The following SIM1 variants were observed in gnomAD, a reference collection of about 807,000 sequenced individuals.
SIM1 encodes single-minded homolog 1.
In SIM1, 18 loss-of-function variants were observed where a neutral mutation model predicts 78.2. The observed-to-expected ratio is 0.23, with a 90% CI of 0.16 to 0.34. SIM1 has a LOEUF of 0.34. SIM1 is among the 10% of genes least tolerant of loss of function. The pLI is 1.00. For missense variants in SIM1, 939 were observed against 975.1 expected (o/e 0.96, Z 0.49); for synonymous variants, 417 against 385.2 (o/e 1.08, Z -0.97).
intron 9 of SIM1, among the ~76,000 whole-genome samples, chr6:100,423,897 G>A (rs1033755098): frequency 3.3e-5 from 5 of 152,276 alleles, no homozygotes; most frequent in East Asian, 1.9e-4. Flanking sequence ...TTTAGTTCCT[G>A]CTTGACAGGA....
intron 2 of SIM1, chr6:100,463,004 T>G: frequency 3.1e-6 from 1 of 325,512 alleles, no homozygotes; most frequent in South Asian, 1.1e-4. Context: ...TACTTTCAAT[T>G]GAGCCTAGTA....
chr6:100,430,338 A>G (rs906186254), intron 9 of SIM1, among the ~76,000 whole-genome samples: 1 of 152,282 alleles, frequency 6.6e-6, no homozygotes, highest in East Asian at 1.9e-4. Context: ...TGGAGGCTGG[A>G]GGAGGGTGTT....
intron 10 of SIM1, among the ~76,000 whole-genome samples, chr6:100,408,870 T>C (rs36028076): frequency 0.12 from 18,781 of 152,124 alleles, 1,148 homozygotes; most frequent in Middle Eastern, 0.18. Context: ...CATGTCATTT[T>C]CTTTTCTTGT....
intron 7 of SIM1, 74 bp downstream of exon 7, chr6:100,448,405 G>A: frequency 6.7e-7 from 1 of 1,502,786 alleles, no homozygotes; most frequent in South Asian, 1.2e-5. Flanking sequence ...TCATAGGATA[G>A]ACGGAAATCT....
chr6:100,441,968 G>C (rs1562252115), intron 9 of SIM1, among the ~76,000 whole-genome samples: 1 of 152,008 alleles, frequency 6.6e-6, no homozygotes, highest in Non-Finnish European at 1.5e-5. Flanking sequence ...TATACACAGA[G>C]AACAGCAGGA....
chr6:100,395,298 T>C (rs1441992931), intron 10 of SIM1, among the ~76,000 whole-genome samples: 4 of 152,220 alleles, frequency 2.6e-5, no homozygotes, highest in Non-Finnish European at 4.4e-5. Flanking sequence ...TCATTCCATA[T>C]ACATTTTGTC....
At chr6:100,455,582 C>T (rs974243255) in intron 2 of SIM1, among the ~76,000 whole-genome samples, 1 of 152,212 alleles carries the variant, frequency 6.6e-6, no homozygotes, top group African/African-American at 2.4e-5. Context: ...GGAGGCCACA[C>T]GGGGGAAAGG....
At chr6:100,462,480 T>C (rs1004796115) in intron 2 of SIM1, 1 of 152,246 alleles carries the variant, frequency 6.6e-6, no homozygotes, top group Non-Finnish European at 1.5e-5. Flanking sequence ...CCTCACACAG[T>C]GAATCTTGAT....
intron 1 of SIM1, among the ~76,000 whole-genome samples, chr6:100,464,359 C>G (rs1431670850): frequency 6.6e-6 from 1 of 152,200 alleles, no homozygotes; most frequent in Admixed American, 6.5e-5. Flanking sequence ...TAACTTGGGT[C>G]TCAAGTCTGA....
intron 9 of SIM1, among the ~76,000 whole-genome samples, chr6:100,445,542 A>C (rs565587695): frequency 5.3e-5 from 8 of 152,376 alleles, no homozygotes; most frequent in Admixed American, 3.9e-4. Flanking sequence ...GAATCAACAG[A>C]AGAAGAAATG....
intron 9 of SIM1, among the ~76,000 whole-genome samples, chr6:100,439,700 G>C (rs533005980): frequency 2.0e-5 from 3 of 152,090 alleles, no homozygotes; most frequent in Non-Finnish European, 4.4e-5. Flanking sequence ...TATAACTATT[G>C]GTAAAGTTGA....
chr6:100,417,719 C>T (rs571355189), intron 10 of SIM1, among the ~76,000 whole-genome samples: 1 of 152,272 alleles, frequency 6.6e-6, no homozygotes, highest in East Asian at 1.9e-4. Context: ...TATGACAATT[C>T]ACTGTAAATG....
chr6:100,391,227 T>A, intron 11 of SIM1, 136 bp from the exon 12 acceptor site: 1 of 928,926 alleles, frequency 1.1e-6, no homozygotes, highest in Non-Finnish European at 1.5e-6. Flanking sequence ...CAGGCTCACA[T>A]GATGTGAGCA....
intron 9 of SIM1, among the ~76,000 whole-genome samples, chr6:100,426,063 G>A (rs902695768): frequency 2.6e-5 from 4 of 152,190 alleles, no homozygotes; most frequent in Non-Finnish European, 5.9e-5. Context: ...ATATGGAAAG[G>A]AACTGTGGCA....
chr6:100,462,146 T>C (rs1038701074), intron 2 of SIM1, among the ~76,000 whole-genome samples: 1 of 152,106 alleles, frequency 6.6e-6, no homozygotes, highest in Non-Finnish European at 1.5e-5. Flanking sequence ...TTCCTGCTCA[T>C]CCATTCATTT....
At position 100,400,235 on chromosome 6, in the gene SIM1, T is replaced by TA. The variant is rs977548321; in HGVS notation, c.1168-6347dup. ...AAAATAATAAAGACTACAGAAGACT[T>TA]AAAAAAAAAGAAAACCAATCAGTTA... On this transcript the variant is annotated intron_variant, in intron 10 of 11. Coordinates refer to ENST00000369208, the MANE Select transcript of SIM1 (RefSeq NM_005068.3). 7.8e-3 allele frequency among the ~76,000 whole-genome samples: 1,169 copies of TA among 150,058 alleles called. 12 individuals carry two copies. The highest frequency in any genetic ancestry group is 0.026 in the African/African-American group (1,085 of 40,984).
intron 10 of SIM1, among the ~76,000 whole-genome samples, chr6:100,418,387 T>A (rs911614348): frequency 7.4e-5 from 11 of 148,492 alleles, no homozygotes; most frequent in African/African-American, 2.5e-4. Flanking sequence ...AATAAATAAA[T>A]AAAATAAAAA....
chr6:100,450,545 TG>T (rs959019788), intron 3 of SIM1, among the ~76,000 whole-genome samples, 189 bp from the exon 4 acceptor site: 2 of 152,150 alleles, frequency 1.3e-5, no homozygotes, highest in African/African-American at 2.4e-5. Flanking sequence ...TGTAAACATC[TG>T]GGGCATGCAG....
intron 9 of SIM1, among the ~76,000 whole-genome samples, chr6:100,431,406 A>T (rs906967463): frequency 2.0e-5 from 3 of 152,204 alleles, no homozygotes; most frequent in African/African-American, 7.2e-5. Flanking sequence ...GGCTAAATAT[A>T]CATTAAACTC....
Sources: allele counts gnomAD v4.1 joint callset (sites outside exome capture counted in the v4.1 genomes callset), GRCh38; gene constraint gnomAD v4.1.1; transcripts MANE v1.5; gene names NCBI Gene and HGNC (gene_info 2026-07-23, HGNC 2026-07-21).